The following ARHGEF4 variants were observed in gnomAD, a reference collection of about 807,000 sequenced individuals.
ARHGEF4 encodes the protein Rho guanine nucleotide exchange factor 4.
Under a neutral mutation model 162.0 loss-of-function variants are expected in ARHGEF4, and 119 were observed. The ratio of observed to expected loss-of-function variants is 0.73; its 90% CI spans 0.63 to 0.86. ARHGEF4 has a LOEUF of 0.86. Among genes scored for constraint, ARHGEF4 ranks in the 40% least tolerant of loss-of-function variants. ARHGEF4 has a pLI of 0.00. For synonymous variants in ARHGEF4, 1,014 were observed against 979.9 expected, an observed-to-expected ratio of 1.03 and a Z score of -0.65; for missense variants, 2,488 against 2,456.0, an observed-to-expected ratio of 1.01 and a Z score of -0.28.
chr2:130,999,358 A>T (rs374631662), intron 4 of ARHGEF4, among the ~76,000 whole-genome samples: 1 of 151,592 alleles, frequency 6.6e-6, no homozygotes, highest in Non-Finnish European at 1.5e-5. Context: ...GGGTTTTACC[A>T]TGTTAGCCAG....
chr2:130,905,527 A>C (rs970255300), intron 1 of ARHGEF4, among the ~76,000 whole-genome samples: 2 of 152,016 alleles, frequency 1.3e-5, no homozygotes, highest in Non-Finnish European at 2.9e-5. Context: ...TCAGTATTTT[A>C]TTAACTGGAA....
chr2:130,947,091 A>G (rs979011992), intron 4 of ARHGEF4: 1 of 156,848 alleles, frequency 6.4e-6, no homozygotes, highest in Non-Finnish European at 1.4e-5. Context: ...TTAGCTGGGC[A>G]TGGTGGCACA....
At chr2:130,911,771 T>A (rs570048493) in intron 1 of ARHGEF4, among the ~76,000 whole-genome samples, 9 of 151,914 alleles carry the variant, frequency 5.9e-5, no homozygotes, top group African/African-American at 2.2e-4. Context: ...GCTGGACCCC[T>A]CCCCCCAGCA....
intron 8 of ARHGEF4, among the ~76,000 whole-genome samples, 184 bp from the exon 9 acceptor site, chr2:131,041,046 A>T (rs574575797): frequency 6.3e-4 from 96 of 151,858 alleles, no homozygotes; most frequent in Non-Finnish European, 1.0e-3. Flanking sequence ...CACCATTCCC[A>T]CCCCTGTGTG....
At chr2:130,905,664 G>A (rs532581654) in intron 1 of ARHGEF4, among the ~76,000 whole-genome samples, 1 of 152,136 alleles carries the variant, frequency 6.6e-6, no homozygotes, top group Non-Finnish European at 1.5e-5. Context: ...TAAAACAGAT[G>A]AGTATAATAC....
chr2:130,978,851 G>A (rs1310379893), intron 4 of ARHGEF4, among the ~76,000 whole-genome samples: 2 of 152,174 alleles, frequency 1.3e-5, no homozygotes, highest in African/African-American at 4.8e-5. Context: ...CTGTCCTGCA[G>A]TAGTTCAGTC....
At chr2:130,843,758 C>T (rs1465210346) in intron 1 of ARHGEF4, among the ~76,000 whole-genome samples, 3 of 152,240 alleles carry the variant, frequency 2.0e-5, no homozygotes, top group Admixed American at 6.5e-5. Context: ...TCTGGGCTGT[C>T]GGCTCTGAGG....
At chr2:130,877,630 A>C (rs1678940583) in intron 1 of ARHGEF4, among the ~76,000 whole-genome samples, 2 of 152,178 alleles carry the variant, frequency 1.3e-5, no homozygotes, top group African/African-American at 4.8e-5. Context: ...AGCCTGGGTG[A>C]CAGACCGAGA....
chr2:130,878,481 G>T (rs1300390936), intron 1 of ARHGEF4, among the ~76,000 whole-genome samples: 1 of 152,230 alleles, frequency 6.6e-6, no homozygotes, highest in Non-Finnish European at 1.5e-5. Context: ...AGTGGATGCT[G>T]TGTGAGCAGT....
At chr2:130,867,527 T>C (rs72855904) in intron 1 of ARHGEF4, among the ~76,000 whole-genome samples, 12,901 of 152,176 alleles carry the variant, frequency 0.085, 1,082 homozygotes, top group African/African-American at 0.21. Context: ...TGAGACACCA[T>C]GCCTGGCCAA....
intron 1 of ARHGEF4, among the ~76,000 whole-genome samples, chr2:130,892,000 C>A (rs72855943): frequency 0.021 from 3,170 of 152,158 alleles, 95 homozygotes; most frequent in East Asian, 0.12. Context: ...TATGTTTTTT[C>A]TTTTTCTCAT....
intron 2 of ARHGEF4, among the ~76,000 whole-genome samples, chr2:130,926,373 T>G (rs947835972): frequency 6.6e-6 from 1 of 152,214 alleles, no homozygotes; most frequent in Non-Finnish European, 1.5e-5. Flanking sequence ...TGATAATTCC[T>G]GCACCTCTGT....
intron 5 of ARHGEF4, chr2:131,035,176 G>T: frequency 1.6e-6 from 2 of 1,220,646 alleles, no homozygotes; most frequent in South Asian, 4.1e-5. Context: ...CCTGCCCCCC[G>T]GCGCCCAGCG....
chr2:130,870,267 C>G (rs1347894000), intron 1 of ARHGEF4, among the ~76,000 whole-genome samples: 3 of 152,198 alleles, frequency 2.0e-5, no homozygotes, highest in Non-Finnish European at 4.4e-5. Flanking sequence ...GAGATGGGAC[C>G]TAGCCCCCGG....
At chr2:130,845,133 T>C (rs1268942394) in intron 1 of ARHGEF4, among the ~76,000 whole-genome samples, 1 of 151,476 alleles carries the variant, frequency 6.6e-6, no homozygotes, top group African/African-American at 2.4e-5. Context: ...ATTTTACTTA[T>C]AACCAGTGGG....
In ARHGEF4 at chr2:130,915,257, G is replaced by A. The variant is rs1316078611; in HGVS notation, c.1311G>A (p.Leu437=). 6.4e-7 allele frequency: 1 copy of A among 1,550,602 alleles called. No individual in the cohort carries two copies. The highest frequency in any genetic ancestry group is 1.2e-5 in the South Asian group (1 of 84,060). Residue 437 remains leucine (L), a synonymous_variant, in exon 2 of 14, where the codon CTG becomes CTA. Coordinates refer to ENST00000409359, the MANE Select transcript of ARHGEF4 (RefSeq NM_001367493.1). ...TAAGACAGGATTCCAGGTCATGTCTGGTGGCTTCATGCCTCACCTCAGAGT... is the reference window on the plus strand; with the variant it reads ...TAAGACAGGATTCCAGGTCATGTCTAGTGGCTTCATGCCTCACCTCAGAGT... ...NQLRQDSRSC[L]VASCLTSELV... is the part of the protein sequence containing the mutation.
intron 1 of ARHGEF4, among the ~76,000 whole-genome samples, chr2:130,886,252 G>A (rs1679512023): frequency 1.3e-5 from 2 of 151,502 alleles, no homozygotes; most frequent in East Asian, 3.9e-4. Flanking sequence ...TTCTGTATCT[G>A]ATGAGATTAG....
chr2:130,956,777 A>G (rs1334894967), intron 4 of ARHGEF4, among the ~76,000 whole-genome samples: 1 of 136,660 alleles, frequency 7.3e-6, no homozygotes, highest in Admixed American at 8.3e-5. Flanking sequence ...ATGAGAACAC[A>G]TGGACACAGG....
intron 4 of ARHGEF4, among the ~76,000 whole-genome samples, chr2:130,989,481 A>G (rs993672052): frequency 1.3e-5 from 2 of 152,216 alleles, no homozygotes; most frequent in Non-Finnish European, 2.9e-5. Flanking sequence ...TAAATAACAT[A>G]CCTTACAAAA....
Sources: gnomAD v4.1 joint callset for allele counts (sites outside exome capture counted in the v4.1 genomes callset) on GRCh38, gnomAD v4.1.1 for gene constraint, MANE v1.5 for transcripts, NCBI Gene and HGNC (gene_info 2026-07-23, HGNC 2026-07-21) for gene names.